The following VIPR2 variants were observed in gnomAD, a reference collection of about 807,000 sequenced individuals.
VIPR2 encodes the protein vasoactive intestinal peptide receptor 2.
A neutral mutation model predicts 58.0 loss-of-function variants in VIPR2; 48 were observed. The ratio of observed to expected loss-of-function variants is 0.83; its 90% CI spans 0.66 to 1.05. The LOEUF (loss-of-function observed/expected upper bound fraction) is 1.05, where lower values mean the gene tolerates loss of function less well. VIPR2 is among the 50% of genes least tolerant of loss of function. The pLI, the probability that VIPR2 is intolerant of heterozygous loss-of-function variation, is 0.00. For synonymous variants in VIPR2, 243 were observed against 235.2 expected (o/e 1.03, Z -0.30); for missense variants, 534 against 558.0 (o/e 0.96, Z 0.43).
chr7:159,117,009 T>C (rs1166547581), intron 2 of VIPR2: 1 of 336,534 alleles, frequency 3.0e-6, no homozygotes, highest in Admixed American at 4.4e-5. Flanking sequence ...TCTTACGACA[T>C]GCTCCCCCTT....
Position 159,097,820 on chromosome 7 carries a change from T to G in VIPR2, c.357+5937A>C, listed in dbSNP as rs1364447051. On this transcript the variant is annotated intron_variant, in intron 4 of 12. Transcript: ENST00000262178. This position sits in a 1 kb window ranked among gnomAD's most constrained non-coding sequence, Gnocchi z 5.3. The stretch of plus-strand genomic sequence containing the variant: ...GGATAGGGCGGGCAACAGGGCTTTG[T>G]GCAAAGTCACTCAGCCATCGGTGAG... 1.3e-5 allele frequency among the ~76,000 whole-genome samples: 2 copies of G among 152,150 alleles called. No homozygotes were observed. The highest frequency in any genetic ancestry group is 2.9e-5 in the Non-Finnish European group (2 of 68,024).
rs910004381 is a variant in VIPR2 at position 159,030,634 on chromosome 7, C to G, written c.1299G>C (p.Thr433=). ...GGTGGGGCTAGATGACCGAGGTCTC[C>G]GTTTGCAGGAAGGACTGGGCGCGGG... ...RGSRAQSFLQ[T]ETSVI is the part of the protein sequence containing the mutation. The change falls in exon 13 of 13, where the codon ACG becomes ACC. Residue 433 remains threonine, a synonymous_variant. Coordinates refer to ENST00000262178, the MANE Select transcript of VIPR2 (RefSeq NM_003382.5). 1.3e-6 allele frequency: 2 copies of G among 1,551,200 alleles called. No homozygotes were observed. Among genetic ancestry groups the G allele is most frequent in the African/African-American group, 1.4e-5 (1 of 73,298 alleles).
rs1242721185 is a variant in VIPR2 at position 159,031,683 on chromosome 7, A to G, written c.1143+145T>C. The G allele has an allele frequency of 6.6e-7, 1 of 1,507,772 alleles. No homozygotes were observed. The highest frequency in any genetic ancestry group is 1.4e-5 in the African/African-American group (1 of 72,488). 93.4% of individuals were successfully genotyped at this position (1,507,772 alleles called of 1,614,324 possible). On this transcript the variant is annotated intron_variant, in intron 12 of 12. Coordinates refer to ENST00000262178, the MANE Select transcript of VIPR2 (RefSeq NM_003382.5). The surrounding 1 kb of genome is among the most constrained non-coding windows in gnomAD (Gnocchi z 4.0). ...TGCCTGTGTCGTTGTGGGTTCTCTG[A>G]TGGGGACACAGAACTGTGGGGTCCC...
intron 4 of VIPR2, among the ~76,000 whole-genome samples, chr7:159,060,274 C>T (rs1182017015): frequency 6.6e-6 from 1 of 150,762 alleles, no homozygotes; most frequent in Non-Finnish European, 1.5e-5. Flanking sequence ...ATCACTTCAC[C>T]CAACCACCAC....
chr7:159,067,838 G>C (rs1856175170), intron 4 of VIPR2, among the ~76,000 whole-genome samples: 1 of 152,360 alleles, frequency 6.6e-6, no homozygotes, highest in East Asian at 1.9e-4. Flanking sequence ...TAATCTCATA[G>C]GTTCAAGGCT....
Position 159,094,678 on chromosome 7 carries a change from C to T in VIPR2, c.357+9079G>A, listed in dbSNP as rs192850166. On this transcript the variant is annotated intron_variant, in intron 4 of 12. Coordinates refer to ENST00000262178, the MANE Select transcript of VIPR2 (RefSeq NM_003382.5). ...TGACGTTTTAAAGACGAAGATCCTG[C>T]GTGTACACGGCTGTGAGGCAGACAG... is the stretch of plus-strand genomic sequence containing the variant. Among the ~76,000 whole-genome samples, 152 of 152,318 alleles carry T rather than the reference C, an allele frequency of 1.0e-3. 3 individuals are homozygous for T. The East Asian group carries it at 0.023, about 23-fold the overall frequency.
intron 5 of VIPR2, among the ~76,000 whole-genome samples, chr7:159,050,252 G>A (rs1032842372): frequency 1.3e-3 from 196 of 151,698 alleles, no homozygotes; most frequent in African/African-American, 4.4e-3. Context: ...CAGGAGGATC[G>A]CTTGAACCCG....
At chr7:159,125,800 C>T (rs1490054905) in intron 2 of VIPR2, among the ~76,000 whole-genome samples, 1 of 152,170 alleles carries the variant, frequency 6.6e-6, no homozygotes, top group African/African-American at 2.4e-5. Flanking sequence ...AGCCACCCAG[C>T]TGACCATGCA....
chr7:159,037,119 G>A (rs578101746), intron 6 of VIPR2, among the ~76,000 whole-genome samples: 2 of 152,358 alleles, frequency 1.3e-5, no homozygotes, highest in Non-Finnish European at 2.9e-5. Context: ...GGCTCCAGAG[G>A]AGGATCACTG....
In VIPR2 at chr7:159,093,354, C is replaced by G. The variant is rs375518856; in HGVS notation, c.357+10403G>C. On this transcript the variant is annotated intron_variant, in intron 4 of 12. Coordinates refer to ENST00000262178, the MANE Select transcript of VIPR2 (RefSeq NM_003382.5). This position sits in a 1 kb window ranked among gnomAD's most constrained non-coding sequence, Gnocchi z 6.7. ...AGGGAAATGGGAAACTCAGACCAAC[C>G]GTGTTTTAAGAAGCGTCCTTTAGTA... Among the ~76,000 whole-genome samples the G allele has an allele frequency of 1.2e-4, 18 of 152,276 alleles. 1 individual carries two copies. The East Asian group carries it at 1.9e-3, about 16-fold the overall frequency.
chr7:159,061,514 G>A (rs1855651092), intron 4 of VIPR2, among the ~76,000 whole-genome samples: 1 of 151,882 alleles, frequency 6.6e-6, no homozygotes, highest in Non-Finnish European at 1.5e-5. Flanking sequence ...TTAGCCGGGT[G>A]TGGCTGTGTG....
intron 5 of VIPR2, among the ~76,000 whole-genome samples, chr7:159,046,372 C>CA (rs1854650094): frequency 1.3e-5 from 2 of 152,192 alleles, no homozygotes; most frequent in Non-Finnish European, 2.9e-5. Flanking sequence ...CAACTAAATA[C>CA]TATTCAACCA....
chr7:159,137,426 C>T (rs2129497999), intron 2 of VIPR2, among the ~76,000 whole-genome samples: 1 of 152,316 alleles, frequency 6.6e-6, no homozygotes, highest in Non-Finnish European at 1.5e-5. Context: ...GTTGTCCAGG[C>T]TGGAGTGCAG....
At chr7:159,059,507 G>A (rs1175719232) in intron 4 of VIPR2, 2 of 364,620 alleles carry the variant, frequency 5.5e-6, no homozygotes, top group African/African-American at 2.1e-5. Flanking sequence ...TTATGCTCTT[G>A]TTTATTAGTT....
intron 2 of VIPR2, among the ~76,000 whole-genome samples, chr7:159,122,336 A>G (rs1796483363): frequency 6.6e-6 from 1 of 152,194 alleles, no homozygotes; most frequent in Non-Finnish European, 1.5e-5. Flanking sequence ...AACAGAACTG[A>G]GGTGGTGCCT....
At chr7:159,114,372 A>T (rs1353186327) in intron 2 of VIPR2, among the ~76,000 whole-genome samples, 1 of 152,034 alleles carries the variant, frequency 6.6e-6, no homozygotes, top group Non-Finnish European at 1.5e-5. Context: ...CTGAGATTTC[A>T]TGAAACAAAG....
At chr7:159,118,616 A>C (rs796743656) in intron 2 of VIPR2, among the ~76,000 whole-genome samples, 22 of 152,380 alleles carry the variant, frequency 1.4e-4, no homozygotes, top group African/African-American at 5.0e-4. Flanking sequence ...GCATGAGCCC[A>C]GCTCCACTAG....
intron 10 of VIPR2, among the ~76,000 whole-genome samples, chr7:159,033,982 C>T (rs546290281): frequency 4.0e-4 from 61 of 152,262 alleles, no homozygotes; most frequent in African/African-American, 1.4e-3. Context: ...ATCTAGATGG[C>T]GGGTGTTTTA....
intron 5 of VIPR2, among the ~76,000 whole-genome samples, chr7:159,049,383 G>A (rs761748933): frequency 6.6e-6 from 1 of 152,218 alleles, no homozygotes; most frequent in Non-Finnish European, 1.5e-5. Context: ...GGGGACCAAA[G>A]GGCTGGACTC....
Sources: allele counts gnomAD v4.1 joint callset (sites outside exome capture counted in the v4.1 genomes callset), GRCh38; gene constraint gnomAD v4.1.1; non-coding constraint Gnocchi (gnomAD v3.1); transcripts MANE v1.5; gene names NCBI Gene and HGNC (gene_info 2026-07-23, HGNC 2026-07-21).